PTN: variants seen among roughly 807,000 people sequenced by gnomAD.
PTN encodes pleiotrophin.
A neutral mutation model predicts 24.1 loss-of-function variants in PTN; 18 were observed. That is an observed-to-expected ratio of 0.75 (90% CI 0.52 to 1.11). PTN has a LOEUF of 1.11. PTN is among the 50% of genes least tolerant of loss of function. PTN has a pLI of 0.00. For synonymous variants in PTN, 78 were observed against 68.6 expected (o/e 1.14, Z -0.67); for missense variants, 163 against 198.8 (o/e 0.82, Z 1.08).
intron 1 of PTN, among the ~76,000 whole-genome samples, chr7:137,257,505 A>G (rs942055491): frequency 3.9e-5 from 6 of 152,208 alleles, no homozygotes; most frequent in South Asian, 2.1e-4. Flanking sequence ...CAGTGCTACT[A>G]TATCTTTCAT....
intron 1 of PTN, among the ~76,000 whole-genome samples, chr7:137,271,159 T>C (rs924969990): frequency 6.6e-6 from 1 of 152,192 alleles, no homozygotes; most frequent in Non-Finnish European, 1.5e-5. Context: ...GGCAATCTGA[T>C]CAAACCTGAA....
intron 1 of PTN, among the ~76,000 whole-genome samples, chr7:137,314,722 G>C (rs1431279605): frequency 6.6e-6 from 1 of 150,718 alleles, no homozygotes; most frequent in African/African-American, 2.4e-5. Flanking sequence ...AGCTTCCCAA[G>C]TAGCTGGGAT....
intron 1 of PTN, among the ~76,000 whole-genome samples, chr7:137,314,175 G>A (rs1385213846): frequency 1.3e-5 from 2 of 152,104 alleles, no homozygotes; most frequent in Non-Finnish European, 2.9e-5. Context: ...ATAAAGCATT[G>A]CTAAAATTTC....
intron 1 of PTN, among the ~76,000 whole-genome samples, chr7:137,305,363 G>A (rs749018565): frequency 3.9e-5 from 6 of 152,044 alleles, no homozygotes; most frequent in Non-Finnish European, 5.9e-5. Flanking sequence ...ATGAATCAGA[G>A]CAACCACCAT....
intron 1 of PTN, among the ~76,000 whole-genome samples, chr7:137,284,028 G>A (rs895567265): frequency 7.9e-5 from 10 of 127,290 alleles, no homozygotes; most frequent in Admixed American, 9.7e-5. Flanking sequence ...GTGCAGTGGC[G>A]AGATCTCGGC....
In PTN at chr7:137,227,911, T is replaced by C; in HGVS notation, c.*109A>G. 1 of 1,444,908 alleles carries C rather than the reference T, an allele frequency of 6.9e-7. No homozygotes were observed. The highest frequency in any genetic ancestry group is 2.4e-5 in the East Asian group (1 of 42,404). The allele number at this position is 1,444,908 out of a possible 1,614,324, so 89.5% of individuals were successfully genotyped here. A position where few individuals can be genotyped will look rare whatever the true frequency, so the allele number is the denominator to read the frequency against. ...TTTCTTTTTGTTTTTGCTTATTGTG[T>C]ACTTAGCTATAGATAATTTTTGAAT... On this transcript the variant is annotated 3_prime_UTR_variant, in exon 5 of 5. Transcript: ENST00000348225.
At chr7:137,330,328 A>AGAGGAG (rs1029017320) in intron 1 of PTN, among the ~76,000 whole-genome samples, 4 of 151,954 alleles carry the variant, frequency 2.6e-5, no homozygotes, top group Non-Finnish European at 4.4e-5. Context: ...AGAAGGAGGA[A>AGAGGAG]GAGGAGGAGG....
intron 4 of PTN, chr7:137,236,078 A>G: frequency 1.5e-6 from 1 of 667,190 alleles, no homozygotes; most frequent in Non-Finnish European, 2.7e-6. Flanking sequence ...AAATTACTTC[A>G]TCAACCATGC....
chr7:137,260,719 G>T (rs993532447), intron 1 of PTN, among the ~76,000 whole-genome samples: 1 of 152,124 alleles, frequency 6.6e-6, no homozygotes, highest in East Asian at 1.9e-4. Context: ...GCAGTTGGAT[G>T]CAGAGGCTTA....
chr7:137,244,374 ATTTTT>A (rs1242182641), intron 4 of PTN, among the ~76,000 whole-genome samples: 6 of 131,164 alleles, frequency 4.6e-5, no homozygotes, highest in South Asian at 2.5e-4. Flanking sequence ...TCTCCTCAGA[ATTTTT>A]TTTTTTTTTT....
chr7:137,324,118 C>A, intron 1 of PTN, among the ~76,000 whole-genome samples: 1 of 152,046 alleles, frequency 6.6e-6, no homozygotes, highest in Non-Finnish European at 1.5e-5. Context: ...TTCTAGAAGA[C>A]TGCTAGTGCC....
chr7:137,304,298 T>C (rs1334701360), intron 1 of PTN, among the ~76,000 whole-genome samples: 1 of 151,930 alleles, frequency 6.6e-6, no homozygotes, highest in East Asian at 1.9e-4. Flanking sequence ...GAAGCTTTAA[T>C]TCAAAAGGTG....
intron 1 of PTN, among the ~76,000 whole-genome samples, chr7:137,313,943 C>T (rs1454602807): frequency 2.0e-5 from 3 of 152,150 alleles, no homozygotes; most frequent in African/African-American, 7.2e-5. Context: ...TATTATTCAA[C>T]CTTTTTCATC....
chr7:137,236,109 C>T (rs2128868155), intron 4 of PTN: 1 of 697,120 alleles, frequency 1.4e-6, no homozygotes, highest in Non-Finnish European at 2.6e-6. Context: ...TAATAAAAGT[C>T]CCCAATATGT....
chr7:137,244,635 G>GT (rs1053103672), intron 4 of PTN, among the ~76,000 whole-genome samples: 12 of 150,850 alleles, frequency 8.0e-5, no homozygotes, highest in African/African-American at 2.2e-4. Flanking sequence ...GCGATGTTTG[G>GT]TTTTTTTTGT....
intron 3 of PTN, among the ~76,000 whole-genome samples, chr7:137,251,604 C>G (rs1808828800): frequency 6.7e-6 from 1 of 148,396 alleles, no homozygotes; most frequent in African/African-American, 2.6e-5. Context: ...CAATATACAC[C>G]ATTAATACAC....
At chr7:137,251,443 T>C (rs1808825524) in intron 3 of PTN, 52 bp from the exon 4 acceptor site, 2 of 1,570,840 alleles carry the variant, frequency 1.3e-6, no homozygotes, top group Middle Eastern at 1.7e-4. Flanking sequence ...CTATCGTACT[T>C]CCAGGATAAT....
At chr7:137,267,591 T>C (rs911670939) in intron 1 of PTN, among the ~76,000 whole-genome samples, 5 of 152,158 alleles carry the variant, frequency 3.3e-5, no homozygotes, top group Non-Finnish European at 7.3e-5. Flanking sequence ...GGTATCATAG[T>C]AACACCGTAA....
chr7:137,304,420 G>C (rs369557616), intron 1 of PTN, among the ~76,000 whole-genome samples: 14 of 151,872 alleles, frequency 9.2e-5, no homozygotes, highest in African/African-American at 3.4e-4. Flanking sequence ...AAAGTCTATA[G>C]CTATTCATAG....
Sources: allele counts gnomAD v4.1 joint callset (sites outside exome capture counted in the v4.1 genomes callset), GRCh38; gene constraint gnomAD v4.1.1; transcripts MANE v1.5; gene names NCBI Gene and HGNC (gene_info 2026-07-23, HGNC 2026-07-21).